The following LIG3 variants were observed in gnomAD, a reference collection of about 807,000 sequenced individuals.
The protein encoded by LIG3 is DNA ligase 3.
A neutral mutation model predicts 110.9 loss-of-function variants in LIG3; 58 were observed. The ratio of observed to expected loss-of-function variants is 0.52; its 90% CI spans 0.42 to 0.65. LIG3 has a LOEUF of 0.65. LIG3 is among the 30% of genes least tolerant of loss of function. LIG3 has a pLI of 0.00. For synonymous variants in LIG3, 422 were observed against 472.8 expected (o/e 0.89, Z 1.39); for missense variants, 1,094 against 1,273.8 (o/e 0.86, Z 2.15).
At chr17:35,003,226 ACT>A in intron 19 of LIG3, 3 of 1,389,668 alleles carry the variant, frequency 2.2e-6, no homozygotes, top group South Asian at 3.0e-5. Context: ...TGGCTTGGTG[ACT>A]CTCCTCCCAC....
At position 34,982,979 on chromosome 17, in the gene LIG3, TGGCCTCC is replaced by T; in HGVS notation, c.-4-22_-4-16del. On this transcript the variant is annotated splice_polypyrimidine_tract_variant and intron_variant, in intron 1 of 19. Transcript: ENST00000378526. ...TGTTTATATCTTTTTTTTTTTTTTTTGGCCTCCTACTCTTTCGTACAGCTATATGTCT... is the reference window on the plus strand; with the variant it reads ...TGTTTATATCTTTTTTTTTTTTTTTTTACTCTTTCGTACAGCTATATGTCT... The T allele has an allele frequency of 1.4e-6, 2 of 1,387,340 alleles. No homozygotes were observed. Among genetic ancestry groups the T allele is most frequent in the Middle Eastern group, 1.9e-4 (1 of 5,262 alleles). 85.9% of individuals were successfully genotyped at this position (1,387,340 alleles called of 1,614,324 possible). A position where few individuals can be genotyped will look rare whatever the true frequency, so the allele number is the denominator to read the frequency against.
At chr17:34,989,412 T>G in intron 3 of LIG3, 54 bp from the exon 4 acceptor site, 1 of 1,514,350 alleles carries the variant, frequency 6.6e-7, no homozygotes, top group Admixed American at 1.7e-5. Flanking sequence ...CTTCCTTCCC[T>G]TTCTTTCTTC....
At chr17:35,002,916 C>T in intron 19 of LIG3, 127 bp downstream of exon 19, 1 of 1,604,146 alleles carries the variant, frequency 6.2e-7, no homozygotes, top group Non-Finnish European at 8.5e-7. Flanking sequence ...AAACCTCTTC[C>T]CTGCCTGCAG....
intron 19 of LIG3, 160 bp downstream of exon 19, chr17:35,002,949 G>A: frequency 6.2e-7 from 1 of 1,613,420 alleles, no homozygotes; most frequent in East Asian, 2.2e-5. Context: ...CGTGGGCAGG[G>A]TCAGCAATGC....
chr17:34,995,164 G>T (rs1176833704), intron 9 of LIG3, among the ~76,000 whole-genome samples: 1 of 152,162 alleles, frequency 6.6e-6, no homozygotes, highest in Non-Finnish European at 1.5e-5. Flanking sequence ...AGCCTCAGGG[G>T]GTTCAGGGGA....
In LIG3 at chr17:35,005,463, C is replaced by A. The variant is rs776535672; in HGVS notation, c.*957C>A. The A allele has an allele frequency of 3.6e-6, 2 of 560,754 alleles. No individual in the cohort carries two copies. The highest frequency in any genetic ancestry group is 3.8e-5 in the African/African-American group (2 of 52,894). The allele number at this position is 560,754 out of a possible 1,614,324, so 34.7% of individuals were successfully genotyped here. ...GGAATAATTATATGATATTGTTGAA[C>A]CCCCAAGTATTGGCTGATGAACGTG... On this transcript the variant is annotated 3_prime_UTR_variant, in exon 20 of 20. Transcript: ENST00000378526.
chr17:34,992,386 G>T (rs1026874854), intron 7 of LIG3, 138 bp from the exon 8 acceptor site: 2 of 1,005,466 alleles, frequency 2.0e-6, no homozygotes, highest in South Asian at 3.3e-5. Context: ...CTCTCCTCTT[G>T]TGAAAGTCTT....
chr17:34,992,309 C>T (rs2090730595), intron 7 of LIG3, among the ~76,000 whole-genome samples: 1 of 152,256 alleles, frequency 6.6e-6, no homozygotes, highest in African/African-American at 2.4e-5. Context: ...ACTCCAGCCC[C>T]CTCCTCGCTA....
downstream of LIG3, chr17:35,010,416 T>C (rs2090929175): frequency 6.6e-6 from 1 of 152,224 alleles, no homozygotes; most frequent in African/African-American, 2.4e-5. Context: ...AGGGCTCAAA[T>C]ACATCACCTA....
chr17:35,005,659 T>C lies in LIG3; in HGVS notation c.*1153T>C, dbSNP rs766952794. 1 of 568,232 alleles carries C rather than the reference T, an allele frequency of 1.8e-6. No homozygotes were observed. The highest frequency in any genetic ancestry group is 4.5e-5 in the East Asian group (1 of 22,120). The allele number at this position is 568,232 out of a possible 1,614,324, so 35.2% of individuals were successfully genotyped here. A position where few individuals can be genotyped will look rare whatever the true frequency, so the allele number is the denominator to read the frequency against. On this transcript the variant is annotated 3_prime_UTR_variant, in exon 20 of 20. Coordinates refer to ENST00000378526, the MANE Select transcript of LIG3 (RefSeq NM_013975.4). Reference sequence around the variant, plus strand: ...CAATCGATTTTTTTTCTTCTATTCATTGGATTCGTCTGTGTCCTACTGAGT... The same window carrying C: ...CAATCGATTTTTTTTCTTCTATTCACTGGATTCGTCTGTGTCCTACTGAGT...
chr17:34,986,051 C>G lies in LIG3; in HGVS notation c.611C>G (p.Thr204Ser). 1 of 1,614,110 alleles carries G rather than the reference C, an allele frequency of 6.2e-7. No homozygotes were observed. Among genetic ancestry groups the G allele is most frequent in the Non-Finnish European group, 8.5e-7 (1 of 1,179,958 alleles). The change falls in exon 3 of 20, where the codon ACC becomes AGC. Residue 204 changes from threonine (T) to serine (S), a missense_variant. Transcript: ENST00000378526. ...KKAVVQAKLT[T>S]TGQVTSPVKG... ...GCTGTTGTCCAGGCTAAGTTGACAA[C>G]CACTGGCCAGGTGACTTCTCCAGTG...
intron 19 of LIG3, 134 bp downstream of exon 19, chr17:35,002,923 G>C (rs1597804322): frequency 6.2e-7 from 1 of 1,605,326 alleles, no homozygotes; most frequent in Non-Finnish European, 8.5e-7. Context: ...TTCCCTGCCT[G>C]CAGCCACTCC....
At position 35,004,271 on chromosome 17, in the gene LIG3, A is replaced by C; in HGVS notation, c.2797-2A>C. The C allele has an allele frequency of 6.2e-7, 1 of 1,613,258 alleles. No individual in the cohort carries two copies. The highest frequency in any genetic ancestry group is 2.2e-5 in the East Asian group (1 of 44,876). On this transcript the variant is annotated splice_acceptor_variant, in intron 19 of 19. Transcript: ENST00000378526. LOFTEE classifies it high-confidence loss of function. ...CCCACCCTGACCCCTCTGCATTTGC[A>C]GGTATTGCTGGACATCTTCACTGGG...
intron 9 of LIG3, among the ~76,000 whole-genome samples, chr17:34,994,792 G>A (rs1295395576): frequency 1.3e-5 from 2 of 152,116 alleles, no homozygotes; most frequent in African/African-American, 4.8e-5. Flanking sequence ...ATATACCAGG[G>A]GCTATTGGGC....
intron 3 of LIG3, among the ~76,000 whole-genome samples, chr17:34,986,431 C>T (rs1230661199): frequency 6.6e-6 from 1 of 152,162 alleles, no homozygotes; most frequent in African/African-American, 2.4e-5. Flanking sequence ...AAGCGATTCT[C>T]CCACCTCAGC....
chr17:34,998,324 G>A, intron 13 of LIG3, 28 bp downstream of exon 13: 1 of 1,587,206 alleles, frequency 6.3e-7, no homozygotes, highest in South Asian at 1.1e-5. Context: ...GGCTTCTCCT[G>A]TCGACTCACT....
Position 35,004,808 on chromosome 17 carries a change from T to G in LIG3, c.*302T>G. 2.9e-6 allele frequency: 1 copy of G among 342,904 alleles called. No individual in the cohort carries two copies. The highest frequency in any genetic ancestry group is 5.4e-6 in the Non-Finnish European group (1 of 184,824). 21.2% of individuals were successfully genotyped at this position (342,904 alleles called of 1,614,324 possible). ...ATAAATAAAATATCTTGCAGTTATC[T>G]TTGTCCTTTCCCCACCTACACCCCC... is the stretch of plus-strand genomic sequence containing the variant. On this transcript the variant is annotated 3_prime_UTR_variant, in exon 20 of 20. Coordinates refer to ENST00000378526, the MANE Select transcript of LIG3 (RefSeq NM_013975.4).
rs772401974 is a variant in LIG3 at position 35,005,540 on chromosome 17, T to A, written c.*1034T>A. The A allele has an allele frequency of 1.2e-5, 7 of 577,328 alleles. No individual in the cohort carries two copies. Among genetic ancestry groups the A allele is most frequent in the Non-Finnish European group, 2.4e-5 (7 of 287,148 alleles). 35.8% of individuals were successfully genotyped at this position (577,328 alleles called of 1,614,324 possible). ...GCCTACAAAGTAAATGGACAGTATA[T>A]TATGGAAGGATTTGCATCCAGCTTC... On this transcript the variant is annotated 3_prime_UTR_variant, in exon 20 of 20. Coordinates refer to ENST00000378526, the MANE Select transcript of LIG3 (RefSeq NM_013975.4).
chr17:34,982,808 C>T (rs757836607), intron 1 of LIG3, among the ~76,000 whole-genome samples, 194 bp from the exon 2 acceptor site: 1 of 152,124 alleles, frequency 6.6e-6, no homozygotes, highest in Non-Finnish European at 1.5e-5. Flanking sequence ...GATAATTGAA[C>T]ATCCTGCTGC....
Sources: allele counts gnomAD v4.1 joint callset (sites outside exome capture counted in the v4.1 genomes callset), GRCh38; gene constraint gnomAD v4.1.1; transcripts MANE v1.5; gene names NCBI Gene and HGNC (gene_info 2026-07-23, HGNC 2026-07-21).